SRPK2: variants seen among roughly 807,000 people sequenced by gnomAD.
SRPK2 encodes the protein SFRS protein kinase 2.
A neutral mutation model predicts 90.8 loss-of-function variants in SRPK2; 21 were observed. The ratio of observed to expected loss-of-function variants is 0.23; its 90% CI spans 0.16 to 0.33. The LOEUF is 0.33. Ranked by LOEUF, SRPK2 falls within the 10% of genes least tolerant of loss-of-function variation. The pLI is 1.00. For missense variants in SRPK2, 620 were observed against 869.0 expected (o/e 0.71, Z 3.60); for synonymous variants, 288 against 311.1 (o/e 0.93, Z 0.78).
At chr7:105,317,310 G>C (rs1210240395) in intron 2 of SRPK2, among the ~76,000 whole-genome samples, 3 of 152,168 alleles carry the variant, frequency 2.0e-5, no homozygotes, top group Admixed American at 1.3e-4. Context: ...GTTCATGTAA[G>C]GATGTTCTTG....
intron 2 of SRPK2, among the ~76,000 whole-genome samples, chr7:105,238,763 T>A (rs1800442875): frequency 6.6e-6 from 1 of 152,158 alleles, no homozygotes; most frequent in African/African-American, 2.4e-5. Flanking sequence ...TTCTGTGTTT[T>A]GATTTTAATA....
At position 105,146,586 on chromosome 7, in the gene SRPK2, A is replaced by G; in HGVS notation, c.694T>C (p.Leu232=). 1 of 1,614,174 alleles carries G rather than the reference A, an allele frequency of 6.2e-7. No homozygotes were observed. Among genetic ancestry groups the G allele is most frequent in the South Asian group, 1.1e-5 (1 of 91,084 alleles). The change falls in exon 8 of 16, where the codon TTG becomes CTG. Residue 232 remains leucine (L), a synonymous_variant. Coordinates refer to ENST00000393651, the MANE Select transcript of SRPK2 (RefSeq NM_182692.3). ...ACATATGCATCATCCACACACATCAAGATATTTTCCGGCTTTATGTCAGTA... is the reference window on the plus strand; with the variant it reads ...ACATATGCATCATCCACACACATCAGGATATTTTCCGGCTTTATGTCAGTA... The part of the protein sequence containing the change: ...IHTDIKPENI[L]MCVDDAYVRR...
chr7:105,384,848 C>G (rs999636165), intron 2 of SRPK2, among the ~76,000 whole-genome samples: 8 of 152,044 alleles, frequency 5.3e-5, no homozygotes, highest in Admixed American at 2.6e-4. Context: ...CACTACTACC[C>G]CCATCCCCAC....
chr7:105,156,673 A>T (rs1409089786), intron 7 of SRPK2, among the ~76,000 whole-genome samples: 2 of 151,854 alleles, frequency 1.3e-5, no homozygotes, highest in Non-Finnish European at 2.9e-5. Context: ...GCTAATTTTT[A>T]AATTTTGTTT....
intron 2 of SRPK2, among the ~76,000 whole-genome samples, chr7:105,275,773 C>G (rs554595813): frequency 5.3e-5 from 8 of 152,214 alleles, no homozygotes; most frequent in African/African-American, 1.9e-4. Flanking sequence ...AAAACGGAGC[C>G]GCCCTGAATC....
intron 2 of SRPK2, among the ~76,000 whole-genome samples, chr7:105,258,443 A>G (rs1456765134): frequency 1.3e-5 from 2 of 151,902 alleles, no homozygotes; most frequent in Non-Finnish European, 2.9e-5. Flanking sequence ...AAAGAAAGAA[A>G]AAAAGCACAG....
chr7:105,261,661 T>G (rs979620502), intron 2 of SRPK2, among the ~76,000 whole-genome samples: 1 of 152,232 alleles, frequency 6.6e-6, no homozygotes, highest in Non-Finnish European at 1.5e-5. Context: ...CAAGAAAGTC[T>G]TCCTATAAAG....
chr7:105,313,210 C>T (rs900214412), intron 2 of SRPK2, among the ~76,000 whole-genome samples: 3 of 151,682 alleles, frequency 2.0e-5, no homozygotes, highest in African/African-American at 7.3e-5. Flanking sequence ...CTTTGGAAGG[C>T]CAACATGGGC....
chr7:105,127,604 C>T, intron 13 of SRPK2, among the ~76,000 whole-genome samples: 1 of 152,154 alleles, frequency 6.6e-6, no homozygotes, highest in South Asian at 2.1e-4. Context: ...CAAAAAAGAC[C>T]CTCTTTGTCC....
chr7:105,187,118 A>G lies in SRPK2; in HGVS notation c.229+16510T>C, dbSNP rs148730561. On this transcript the variant is annotated intron_variant, in intron 3 of 15. Transcript: ENST00000393651. ...AAAATTAAAAAGGGGTTTAAGGCTA[A>G]GTTTGAGGATAATTTATTATACAAC... 1.1e-3 allele frequency among the ~76,000 whole-genome samples: 160 copies of G among 152,338 alleles called. 1 individual carries two copies. Among genetic ancestry groups the G allele is most frequent in the African/African-American group, 3.8e-3 (156 of 41,576 alleles).
intron 7 of SRPK2, among the ~76,000 whole-genome samples, chr7:105,148,275 G>T (rs1365511221): frequency 1.3e-5 from 2 of 152,186 alleles, no homozygotes; most frequent in Admixed American, 6.5e-5. Context: ...AACACTGCAA[G>T]AGAAGGGGGG....
At chr7:105,183,788 C>T (rs897200042) in intron 3 of SRPK2, among the ~76,000 whole-genome samples, 2 of 152,026 alleles carry the variant, frequency 1.3e-5, no homozygotes, top group Non-Finnish European at 2.9e-5. Context: ...CCACGCCCTG[C>T]GTGGCTGTTT....
intron 2 of SRPK2, among the ~76,000 whole-genome samples, chr7:105,375,079 AAT>A (rs781218319): frequency 2.1e-4 from 32 of 152,284 alleles, no homozygotes; most frequent in Non-Finnish European, 3.5e-4. Context: ...GGCTGGTGAG[AAT>A]ATGAGTCATT....
intron 3 of SRPK2, among the ~76,000 whole-genome samples, chr7:105,198,077 G>T (rs75867656): frequency 6.6e-6 from 1 of 152,216 alleles, no homozygotes; most frequent in Admixed American, 6.5e-5. Context: ...AGTATGAAGG[G>T]TGCCTTCATG....
intron 2 of SRPK2, among the ~76,000 whole-genome samples, chr7:105,362,996 T>A (rs1018829816): frequency 6.6e-6 from 1 of 151,910 alleles, no homozygotes; most frequent in East Asian, 1.9e-4. Context: ...ATGAGAACAC[T>A]TGGACACAGG....
intron 2 of SRPK2, among the ~76,000 whole-genome samples, chr7:105,379,520 A>G (rs1469833811): frequency 6.6e-6 from 1 of 152,222 alleles, no homozygotes. Context: ...ACTAATCAAT[A>G]ATGATAGATA....
Position 105,118,030 on chromosome 7 carries a change from G to A in SRPK2, c.1916-8C>T. On this transcript the variant is annotated splice_region_variant and splice_polypyrimidine_tract_variant and intron_variant, in intron 15 of 15. Transcript: ENST00000393651. ...TGATGTGTCGCAGTTCTCCTACAGGGGAAAAAACAGGCCAATGTCAAGAAA... is the reference window on the plus strand; with the variant it reads ...TGATGTGTCGCAGTTCTCCTACAGGAGAAAAAACAGGCCAATGTCAAGAAA... The A allele has an allele frequency of 6.2e-7, 1 of 1,609,768 alleles. No individual in the cohort carries two copies. The highest frequency in any genetic ancestry group is 2.2e-5 in the East Asian group (1 of 44,802).
chr7:105,331,331 A>AAC (rs1207050995), intron 2 of SRPK2, among the ~76,000 whole-genome samples: 1 of 146,316 alleles, frequency 6.8e-6, no homozygotes, highest in East Asian at 2.1e-4. Flanking sequence ...AAAAAAAAAA[A>AAC]AAAAAACAAA....
At chr7:105,235,515 G>A (rs79550086) in intron 2 of SRPK2, among the ~76,000 whole-genome samples, 145 of 152,122 alleles carry the variant, frequency 9.5e-4, no homozygotes, top group Non-Finnish European at 1.9e-3. Context: ...GTATGGTATT[G>A]CCAAAGGAAG....
Sources: allele counts gnomAD v4.1 joint callset (sites outside exome capture counted in the v4.1 genomes callset), GRCh38; gene constraint gnomAD v4.1.1; transcripts MANE v1.5; gene names NCBI Gene and HGNC (gene_info 2026-07-23, HGNC 2026-07-21).